The following HEXB variants were observed in gnomAD, a reference collection of about 807,000 sequenced individuals.
The protein encoded by HEXB is hexosaminidase subunit beta.
Under a neutral mutation model 71.2 loss-of-function variants are expected in HEXB, and 51 were observed. The observed-to-expected ratio is 0.72, with a 90% CI of 0.57 to 0.90. The LOEUF (loss-of-function observed/expected upper bound fraction) is 0.90, where lower values mean the gene tolerates loss of function less well. Among genes scored for constraint, HEXB ranks in the 40% least tolerant of loss-of-function variants. The probability of loss-of-function intolerance (pLI) is 0.00; values close to 1 mark genes in which losing one functional copy is unlikely to be tolerated. For synonymous variants in HEXB, 266 were observed against 249.3 expected (o/e 1.07, Z -0.63); for missense variants, 617 against 677.0 (o/e 0.91, Z 0.98).
At position 74,661,513 on chromosome 5, in the gene HEXB, C is replaced by CTGTG. The variant is rs1179218651; in HGVS notation, c.-377+21003_-377+21006dup. Among the ~76,000 whole-genome samples, 248 of 84,954 alleles carry CTGTG rather than the reference C, an allele frequency of 2.9e-3. 1 individual carries two copies. The highest frequency in any genetic ancestry group is 5.8e-3 in the Non-Finnish European group (187 of 32,046). 55.7% of individuals were successfully genotyped at this position (84,954 alleles called of 152,430 possible). On this transcript the variant is annotated intron_variant, in intron 1 of 13. Coordinates refer to the HEXB transcript ENST00000511181. ...AGTCATGAATTCATTTTCTCTCTCTCTGTGTGTGTGTGTGTGTGTGTGTGT... is the reference window on the plus strand; with the variant it reads ...AGTCATGAATTCATTTTCTCTCTCTCTGTGTGTGTGTGTGTGTGTGTGTGTGTGT...
chr5:74,697,022 T>A lies in HEXB; in HGVS notation c.585T>A (p.Ile195=), dbSNP rs1362132135. ...GTFTINESTI[I]DSPRFSHRGI... is the part of the protein sequence containing the mutation. ...TCACCATCAATGAATCCACCATTAT[T>A]GATTCTCCAAGGTTTTCTCACAGAG... is the stretch of plus-strand genomic sequence containing the variant. Residue 195 remains isoleucine (I), a synonymous_variant, in exon 5 of 14, where the codon ATT becomes ATA. Coordinates refer to ENST00000261416, the MANE Select transcript of HEXB (RefSeq NM_000521.4). 2.5e-6 allele frequency: 4 copies of A among 1,572,784 alleles called. No homozygotes were observed. In the South Asian group the frequency reaches 4.4e-5, roughly 17 times the overall value.
chr5:74,685,355 AGGTGGCGCT>A lies in HEXB; in HGVS notation c.101_109del (p.Ala34_Val36del). The A allele has an allele frequency of 6.3e-7, 1 of 1,585,782 alleles. No individual in the cohort carries two copies. Among genetic ancestry groups the A allele is most frequent in the South Asian group, 1.1e-5 (1 of 88,646 alleles). ...GCGGCGATGTTGGCGCTGCTGACTC[AGGTGGCGCT>A]GGTGGTGCAGGTGGCGGAGGCGGCT... is the stretch of plus-strand genomic sequence containing the variant. On this transcript the variant is annotated inframe_deletion, in exon 1 of 14. Coordinates refer to ENST00000261416, the MANE Select transcript of HEXB (RefSeq NM_000521.4).
chr5:74,681,643 G>A (rs3846656), upstream of HEXB, among the ~76,000 whole-genome samples: 4,908 of 152,216 alleles, frequency 0.032, 276 homozygotes, highest in African/African-American at 0.11. Flanking sequence ...AGTTAATAAC[G>A]GGGTGCAATA....
chr5:74,705,514 T>C lies in HEXB; in HGVS notation c.771+194T>C, dbSNP rs1001942669. The C allele has an allele frequency of 4.7e-5, 27 of 573,350 alleles. No individual in the cohort carries two copies. In the South Asian group the frequency reaches 5.5e-4, roughly 12 times the overall value. The allele number at this position is 573,350 out of a possible 1,614,324, so 35.5% of individuals were successfully genotyped here. The stretch of plus-strand genomic sequence containing the variant: ...TTTTTGTTATTGTTATAACGGTTAC[T>C]GTAATTGTTACTGTGAATATAAACA... On this transcript the variant is annotated intron_variant, in intron 6 of 13. Coordinates refer to ENST00000261416, the MANE Select transcript of HEXB (RefSeq NM_000521.4).
chr5:74,720,866 A>AT, intron 13 of HEXB, 119 bp downstream of exon 13: 1 of 900,424 alleles, frequency 1.1e-6, no homozygotes, highest in Non-Finnish European at 1.8e-6. Context: ...ACCAGGAATT[A>AT]TTTTTTTGTA....
chr5:74,719,729 G>T (rs1749772350), intron 11 of HEXB, among the ~76,000 whole-genome samples: 1 of 152,114 alleles, frequency 6.6e-6, no homozygotes, highest in Admixed American at 6.5e-5. Context: ...GGATCATGAG[G>T]TCAGGAGTTC....
intron 1 of HEXB, 38 bp downstream of exon 1, chr5:74,685,597 G>A: frequency 6.6e-7 from 1 of 1,514,242 alleles, no homozygotes. Context: ...TGTCCTGGGG[G>A]AGGGGAGAGG....
rs7706616 is a variant in HEXB at position 74,675,342 on chromosome 5, C to T, written c.-376-13986C>T. On this transcript the variant is annotated intron_variant, in intron 1 of 13. Transcript: ENST00000511181. ...CTTGCTAGAACTGGGCTATGGAGGT[C>T]CAGGGAGAATGGGGGCCAAAGTCGA... Among the ~76,000 whole-genome samples the T allele has an allele frequency of 4.5e-3, 689 of 152,102 alleles. 17 individuals carry two copies. The East Asian group carries it at 0.081, about 18-fold the overall frequency.
intron 6 of HEXB, 189 bp downstream of exon 6, chr5:74,705,509 G>T (rs1157606929): frequency 1.7e-6 from 1 of 581,958 alleles, no homozygotes; most frequent in African/African-American, 1.9e-5. Flanking sequence ...TGTTATAACG[G>T]TTACTGTAAT....
At chr5:74,677,890 ATCGCTC>A (rs761717017) in intron 1 of HEXB, among the ~76,000 whole-genome samples, 1,532 of 152,184 alleles carry the variant, frequency 0.01, 14 homozygotes, top group Non-Finnish European at 0.017. Flanking sequence ...AGTCCATTAT[ATCGCTC>A]TGTATGTGGA....
At chr5:74,668,048 C>T (rs1043318214) in intron 1 of HEXB, among the ~76,000 whole-genome samples, 3 of 152,180 alleles carry the variant, frequency 2.0e-5, no homozygotes, top group Non-Finnish European at 4.4e-5. Flanking sequence ...CATAAAGTGA[C>T]AGAGCCTGGC....
chr5:74,691,818 A>G (rs977293694), intron 2 of HEXB, among the ~76,000 whole-genome samples: 12 of 152,208 alleles, frequency 7.9e-5, no homozygotes, highest in African/African-American at 2.9e-4. Flanking sequence ...CCTCCAAAAC[A>G]AATGTATTTA....
In HEXB at chr5:74,717,061, G is replaced by A. The variant is rs575105913; in HGVS notation, c.1169+388G>A. On this transcript the variant is annotated intron_variant, in intron 9 of 13. Coordinates refer to ENST00000261416, the MANE Select transcript of HEXB (RefSeq NM_000521.4). ...AAAAATTAGCCAGGCATGGTGGCAGGTGCCTGTAGTCCCAGCTACTCGGGC... is the reference window on the plus strand; with the variant it reads ...AAAAATTAGCCAGGCATGGTGGCAGATGCCTGTAGTCCCAGCTACTCGGGC... 9.9e-4 allele frequency among the ~76,000 whole-genome samples: 150 copies of A among 152,238 alleles called. 1 individual carries two copies. The highest frequency in any genetic ancestry group is 3.4e-3 in the African/African-American group (142 of 41,524).
chr5:74,696,204 A>C (rs77412261), intron 3 of HEXB, among the ~76,000 whole-genome samples: 2,666 of 152,350 alleles, frequency 0.017, 43 homozygotes, highest in Middle Eastern at 0.058. Flanking sequence ...TGAGTAAAAA[A>C]TGTTCAGAAG....
At chr5:74,664,485 C>T (rs895681856) in intron 1 of HEXB, among the ~76,000 whole-genome samples, 4 of 145,066 alleles carry the variant, frequency 2.8e-5, no homozygotes, top group Non-Finnish European at 6.0e-5. Context: ...ATAGATGGCG[C>T]TGTTAACCAT....
At chr5:74,673,985 A>G in intron 1 of HEXB, among the ~76,000 whole-genome samples, 1 of 152,172 alleles carries the variant, frequency 6.6e-6, no homozygotes, top group East Asian at 1.9e-4. Context: ...AGTTATACTC[A>G]AAGTGTGAGG....
At chr5:74,713,726 C>T in intron 7 of HEXB, 91 bp downstream of exon 7, 2 of 1,061,102 alleles carry the variant, frequency 1.9e-6, no homozygotes, top group Non-Finnish European at 2.9e-6. Context: ...TGCAGTAGTA[C>T]AATCTCGGCT....
At chr5:74,700,744 G>C (rs1393401241) in intron 5 of HEXB, among the ~76,000 whole-genome samples, 1 of 152,000 alleles carries the variant, frequency 6.6e-6, no homozygotes, top group African/African-American at 2.4e-5. Flanking sequence ...TTTTGCTCTT[G>C]TTGCACAGGT....
At chr5:74,668,440 C>T (rs1748475732) in intron 1 of HEXB, among the ~76,000 whole-genome samples, 1 of 152,146 alleles carries the variant, frequency 6.6e-6, no homozygotes, top group South Asian at 2.1e-4. Context: ...AGAGAGGTAG[C>T]CTGGCCCCCG....
Sources: allele counts gnomAD v4.1 joint callset (sites outside exome capture counted in the v4.1 genomes callset), GRCh38; gene constraint gnomAD v4.1.1; transcripts MANE v1.5; gene names NCBI Gene and HGNC (gene_info 2026-07-23, HGNC 2026-07-21).